Variants in CYB5R3 observed in about 807,000 individuals in gnomAD.
CYB5R3 encodes cytochrome b5 reductase 3, also known as NADH-cytochrome b5 reductase 3.
CYB5R3 carries 28 observed loss-of-function variants against 36.5 expected under a neutral mutation model. That is an observed-to-expected ratio of 0.77 (90% CI 0.57 to 1.05). The LOEUF (loss-of-function observed/expected upper bound fraction) is 1.05. Among genes scored for constraint, CYB5R3 ranks in the 50% least tolerant of loss-of-function variants. The probability of loss-of-function intolerance (pLI) is 0.00; values close to 1 mark genes in which losing one functional copy is unlikely to be tolerated. For missense variants in CYB5R3, 474 were observed against 408.9 expected, an observed-to-expected ratio of 1.16 and a Z score of -1.37; for synonymous variants, 181 against 159.8, an observed-to-expected ratio of 1.13 and a Z score of -1.00.
intron 2 of CYB5R3, among the ~76,000 whole-genome samples, chr22:42,635,039 G>C (rs1053214572): frequency 7.3e-5 from 11 of 149,696 alleles, no homozygotes; most frequent in Non-Finnish European, 1.0e-4. Context: ...GCGCAATCTC[G>C]GCTCACTGCA....
At chr22:42,631,601 A>C in intron 2 of CYB5R3, 151 bp from the exon 3 acceptor site, 1 of 725,190 alleles carries the variant, frequency 1.4e-6, no homozygotes, top group South Asian at 1.6e-5. Context: ...CGCCGACGCC[A>C]AGCACAGATG....
chr22:42,644,256 G>A (rs1416292619), intron 1 of CYB5R3: 2 of 626,678 alleles, frequency 3.2e-6, no homozygotes, highest in Admixed American at 2.4e-5. Context: ...GCCTCCCACA[G>A]TGAGGCCTGA....
chr22:42,640,449 G>A (rs1397832042), intron 1 of CYB5R3: 1 of 409,228 alleles, frequency 2.4e-6, no homozygotes, highest in Non-Finnish European at 3.7e-6. Flanking sequence ...TGTGATCTTG[G>A]CTAACTGTGA....
intron 7 of CYB5R3, 97 bp downstream of exon 7, chr22:42,627,207 A>C: frequency 9.7e-7 from 1 of 1,031,932 alleles, no homozygotes; most frequent in Admixed American, 1.9e-5. Flanking sequence ...CCAGAATCTC[A>C]GCAGAGCTGT....
Position 42,627,574 on chromosome 22 carries a change from G to A in CYB5R3, c.547+31C>T, listed in dbSNP as rs371696363. ...CCCAACCCCACCCTTAACATGAGCC[G>A]CCGGACGCCTCAGTGGGGGGTTCCG... On this transcript the variant is annotated intron_variant, in intron 6 of 8. Coordinates refer to ENST00000352397, the MANE Select transcript of CYB5R3 (RefSeq NM_000398.7). 1.2e-4 allele frequency: 186 copies of A among 1,594,266 alleles called. 1 individual carries two copies. The highest frequency in any genetic ancestry group is 1.5e-4 in the African/African-American group (11 of 74,604).
chr22:42,634,426 T>C (rs543555304), intron 2 of CYB5R3, among the ~76,000 whole-genome samples: 2 of 151,964 alleles, frequency 1.3e-5, no homozygotes, highest in South Asian at 4.1e-4. Flanking sequence ...TGGGAGGTGG[T>C]GATTTACTTT....
intron 5 of CYB5R3, 70 bp downstream of exon 5, chr22:42,628,082 C>T: frequency 2.5e-6 from 4 of 1,604,446 alleles, no homozygotes; most frequent in East Asian, 2.2e-5. Context: ...CTGCACCCTG[C>T]ACCCAGCACG....
intron 7 of CYB5R3, 37 bp from the exon 8 acceptor site, chr22:42,623,925 G>A: frequency 1.9e-6 from 3 of 1,555,544 alleles, no homozygotes; most frequent in Non-Finnish European, 2.7e-6. Context: ...GGAAGGATGG[G>A]TGGCAGACTG....
intron 2 of CYB5R3, among the ~76,000 whole-genome samples, chr22:42,634,449 AT>A (rs1439643968): frequency 6.6e-6 from 1 of 151,680 alleles, no homozygotes; most frequent in Non-Finnish European, 1.5e-5. Flanking sequence ...TTTGCTTTTT[AT>A]TTTTTATTTT....
chr22:42,624,468 T>A (rs1601930432), intron 7 of CYB5R3, among the ~76,000 whole-genome samples: 1 of 131,314 alleles, frequency 7.6e-6, no homozygotes, highest in African/African-American at 3.0e-5. Context: ...GGCCTGCGGC[T>A]CCCCCACCCC....
intron 1 of CYB5R3, among the ~76,000 whole-genome samples, chr22:42,646,478 C>T (rs908706028): frequency 6.6e-5 from 10 of 152,212 alleles, no homozygotes; most frequent in African/African-American, 2.2e-4. Flanking sequence ...CAGCTGCCCA[C>T]CCCTGGAATT....
chr22:42,648,852 A>AC (rs3216441), intron 1 of CYB5R3, among the ~76,000 whole-genome samples: 1 of 151,606 alleles, frequency 6.6e-6, no homozygotes, highest in African/African-American at 2.4e-5. Context: ...ACACACACAC[A>AC]CCCCATCACA....
chr22:42,630,236 C>T (rs993297021), intron 4 of CYB5R3, among the ~76,000 whole-genome samples: 3 of 152,218 alleles, frequency 2.0e-5, no homozygotes, highest in Non-Finnish European at 2.9e-5. Flanking sequence ...ACCTCCACCT[C>T]GAACCCCGCA....
At chr22:42,642,572 G>C (rs1929336758) in intron 1 of CYB5R3, among the ~76,000 whole-genome samples, 1 of 152,162 alleles carries the variant, frequency 6.6e-6, no homozygotes, top group Admixed American at 6.5e-5. Flanking sequence ...CCGAGTAGCT[G>C]GGACTACAGG....
intron 7 of CYB5R3, 126 bp downstream of exon 7, chr22:42,627,178 C>G (rs1175603232): frequency 2.4e-6 from 2 of 825,344 alleles, no homozygotes; most frequent in Non-Finnish European, 4.1e-6. Flanking sequence ...ACATTCAGGG[C>G]CCCCCATCCC....
chr22:42,638,041 G>A (rs953559605), intron 1 of CYB5R3, among the ~76,000 whole-genome samples: 3 of 152,140 alleles, frequency 2.0e-5, no homozygotes, highest in Admixed American at 6.6e-5. Context: ...TTGAGTCCAC[G>A]AGTTCAAGAC....
chr22:42,628,117 C>T (rs779580695), intron 5 of CYB5R3, 35 bp downstream of exon 5: 1 of 1,613,206 alleles, frequency 6.2e-7, no homozygotes, highest in East Asian at 2.2e-5. Flanking sequence ...TTCTCTGAGC[C>T]TGCCGTGTAA....
rs2071845 is a variant in CYB5R3 at position 42,627,760 on chromosome 22, G to A, written c.464-72C>T. ...GTGGTGGCTGGAGAGGCTGGAGAGG[G>A]GGCTGGAGAACCTGCCCCCACTGTG... On this transcript the variant is annotated intron_variant, in intron 5 of 8. Coordinates refer to ENST00000352397, the MANE Select transcript of CYB5R3 (RefSeq NM_000398.7). 297 of 1,201,960 alleles carry A rather than the reference G, an allele frequency of 2.5e-4. 1 individual carries two copies. The East Asian group carries it at 6.8e-3, about 28-fold the overall frequency. 74.5% of individuals were successfully genotyped at this position (1,201,960 alleles called of 1,614,324 possible).
At chr22:42,646,984 G>A in intron 1 of CYB5R3, 2 of 985,490 alleles carry the variant, frequency 2.0e-6, no homozygotes, top group African/African-American at 1.7e-5. Flanking sequence ...TTTTCCCAGT[G>A]TGGCTGGCAG....
Sources: allele counts gnomAD v4.1 joint callset (sites outside exome capture counted in the v4.1 genomes callset), GRCh38; gene constraint gnomAD v4.1.1; transcripts MANE v1.5; gene names NCBI Gene and HGNC (gene_info 2026-07-23, HGNC 2026-07-21).